The following BPHL variants were observed in gnomAD, a reference collection of about 807,000 sequenced individuals.
The protein encoded by BPHL is biphenyl hydrolase like.
Under a neutral mutation model 31.2 loss-of-function variants are expected in BPHL, and 27 were observed. The observed-to-expected ratio is 0.87, with a 90% CI of 0.64 to 1.19. The LOEUF is 1.19. Among genes scored for constraint, BPHL ranks in the 50% most tolerant of loss-of-function variants. The pLI is 0.00. For synonymous variants in BPHL, 150 were observed against 146.8 expected, an observed-to-expected ratio of 1.02 and a Z score of -0.16; for missense variants, 356 against 375.7, an observed-to-expected ratio of 0.95 and a Z score of 0.43.
At chr6:3,119,164 G>T in intron 1 of BPHL, 1 of 923,266 alleles carries the variant, frequency 1.1e-6, no homozygotes, top group Non-Finnish European at 1.7e-6. Context: ...TTTGCCTGTA[G>T]TATGGACTCA....
At chr6:3,118,991 C>T (rs1215941848) in intron 1 of BPHL, 144 bp downstream of exon 1, 1 of 714,474 alleles carries the variant, frequency 1.4e-6, no homozygotes, top group Non-Finnish European at 2.0e-6. Flanking sequence ...CCCTTTGTGC[C>T]GCGAGACCCC....
intron 4 of BPHL, among the ~76,000 whole-genome samples, chr6:3,131,992 C>T (rs1160663453): frequency 6.6e-6 from 1 of 152,242 alleles, no homozygotes; most frequent in Non-Finnish European, 1.5e-5. Flanking sequence ...TACTCCCTTG[C>T]CTCGGTCACC....
Position 3,123,717 on chromosome 6 carries a change from T to C in BPHL, c.168T>C (p.Thr56=). ...GCGTTCAGCTGCATTACCAGCAGACTGGAGAGGGAGATCACGCAGTCCTGC... is the reference window on the plus strand; with the variant it reads ...GCGTTCAGCTGCATTACCAGCAGACCGGAGAGGGAGATCACGCAGTCCTGC... ...VNGVQLHYQQ[T]GEGDHAVLLL... Residue 56 remains threonine (T), a synonymous_variant, in exon 2 of 7, where the codon ACT becomes ACC. Coordinates refer to ENST00000380379, the MANE Select transcript of BPHL (RefSeq NM_004332.4). 2 of 1,613,810 alleles carry C rather than the reference T, an allele frequency of 1.2e-6. No individual in the cohort carries two copies. The highest frequency in any genetic ancestry group is 1.7e-6 in the Non-Finnish European group (2 of 1,179,844).
rs1364073980 is a variant in BPHL, at chr6:3,152,638, A to G, written c.*63A>G. ...GGCTTGATCGTGTTGCTGCCTGTTA[A>G]CATGATGCCTTTGAAACTCTCCGCC... is the stretch of plus-strand genomic sequence containing the variant. On this transcript the variant is annotated 3_prime_UTR_variant, in exon 7 of 7. Coordinates refer to ENST00000380379, the MANE Select transcript of BPHL (RefSeq NM_004332.4). 5.5e-6 allele frequency: 8 copies of G among 1,442,326 alleles called. No homozygotes were observed. In the African/African-American group the frequency reaches 1.1e-4, roughly 20 times the overall value. The allele number at this position is 1,442,326 out of a possible 1,614,324, so 89.3% of individuals were successfully genotyped here. A position where few individuals can be genotyped will look rare whatever the true frequency, so the allele number is the denominator to read the frequency against.
intron 6 of BPHL, among the ~76,000 whole-genome samples, chr6:3,148,533 G>A (rs892757563): frequency 1.3e-5 from 2 of 152,344 alleles, no homozygotes; most frequent in South Asian, 2.1e-4. Flanking sequence ...TGCAGCTTCC[G>A]TTCTGGACTG....
chr6:3,128,558 A>G (rs566088004), intron 3 of BPHL, among the ~76,000 whole-genome samples: 7 of 152,182 alleles, frequency 4.6e-5, no homozygotes, highest in South Asian at 2.1e-4. Flanking sequence ...CAACCTCCCC[A>G]TGACGCTGTT....
chr6:3,118,972 G>A (rs374721308), intron 1 of BPHL, 125 bp downstream of exon 1: 5 of 803,126 alleles, frequency 6.2e-6, no homozygotes, highest in South Asian at 4.9e-5. Flanking sequence ...CGGCCTGGCT[G>A]CCCTGTCGCC....
chr6:3,152,702 C>T lies in BPHL; in HGVS notation c.*127C>T. 1.3e-6 allele frequency: 1 copy of T among 790,396 alleles called. No homozygotes were observed. The allele number at this position is 790,396 out of a possible 1,614,324, so 49.0% of individuals were successfully genotyped here. A position where few individuals can be genotyped will look rare whatever the true frequency, so the allele number is the denominator to read the frequency against. ...ACCCCTCCCTTCAATCTTATCCTAA[C>T]CAAATGAGAATAATGACATATTGAA... On this transcript the variant is annotated 3_prime_UTR_variant, in exon 7 of 7. Coordinates refer to ENST00000380379, the MANE Select transcript of BPHL (RefSeq NM_004332.4).
chr6:3,131,598 G>T (rs1374435248), intron 4 of BPHL, among the ~76,000 whole-genome samples: 1 of 152,140 alleles, frequency 6.6e-6, no homozygotes, highest in African/African-American at 2.4e-5. Flanking sequence ...TCCACTAGAG[G>T]ACTTAAAATC....
At chr6:3,129,805 G>GTTT (rs112506760) in intron 4 of BPHL, among the ~76,000 whole-genome samples, 1 of 136,560 alleles carries the variant, frequency 7.3e-6, no homozygotes, top group Non-Finnish European at 1.6e-5. Flanking sequence ...TGTCTTTGAG[G>GTTT]TTTTTTTTTT....
intron 6 of BPHL, among the ~76,000 whole-genome samples, chr6:3,147,910 G>T (rs979394528): frequency 6.6e-6 from 1 of 152,204 alleles, no homozygotes; most frequent in Non-Finnish European, 1.5e-5. Flanking sequence ...AGCCAATATC[G>T]CAGACTGAAG....
rs905020723 is a variant in BPHL, at chr6:3,120,486, T to C, written c.107+1639T>C. ...TTATAAATGCAGCTGCAAGTTGATA[T>C]GACATATAATCTGGGAAAACAAGCA... On this transcript the variant is annotated intron_variant, in intron 1 of 6. Coordinates refer to ENST00000380379, the MANE Select transcript of BPHL (RefSeq NM_004332.4). Among the ~76,000 whole-genome samples the C allele has an allele frequency of 2.6e-5, 4 of 152,174 alleles. No individual in the cohort carries two copies. The South Asian group carries it at 8.3e-4, about 31-fold the overall frequency.
At chr6:3,128,468 C>T (rs909598881) in intron 3 of BPHL, among the ~76,000 whole-genome samples, 5 of 152,056 alleles carry the variant, frequency 3.3e-5, no homozygotes, top group Non-Finnish European at 5.9e-5. Flanking sequence ...TTCTTGGCGG[C>T]CTCTCTAAGA....
Position 3,143,546 on chromosome 6 carries a change from T to C in BPHL, c.788+3037T>C, listed in dbSNP as rs572341266. On this transcript the variant is annotated intron_variant, in intron 6 of 6. Coordinates refer to ENST00000380379, the MANE Select transcript of BPHL (RefSeq NM_004332.4). ...AAGCCCTTCCTCTAACAAGCACTTG[T>C]GCTGCAGTCTGAGATACGAAACACA... Among the ~76,000 whole-genome samples, 11 of 152,356 alleles carry C rather than the reference T, an allele frequency of 7.2e-5. No homozygotes were observed. The South Asian group carries it at 1.7e-3, about 23-fold the overall frequency.
At chr6:3,135,604 CTCT>C (rs71669540) in intron 4 of BPHL, among the ~76,000 whole-genome samples, 2,113 of 152,302 alleles carry the variant, frequency 0.014, 41 homozygotes, top group African/African-American at 0.046. Flanking sequence ...CATTCTTATT[CTCT>C]TCTTCTGAGA....
chr6:3,121,765 G>C (rs559016602), intron 1 of BPHL, among the ~76,000 whole-genome samples: 1 of 152,268 alleles, frequency 6.6e-6, no homozygotes, highest in African/African-American at 2.4e-5. Flanking sequence ...GGAGCTTATA[G>C]TTTAGTCAGA....
chr6:3,131,522 C>A (rs1253563878), intron 4 of BPHL, among the ~76,000 whole-genome samples: 2 of 152,188 alleles, frequency 1.3e-5, no homozygotes, highest in East Asian at 3.9e-4. Context: ...AGGCCGCTAG[C>A]TTCATATGGT....
chr6:3,121,922 A>T lies in BPHL; in HGVS notation c.108-1735A>T, dbSNP rs1761584587. 2.6e-5 allele frequency among the ~76,000 whole-genome samples: 4 copies of T among 152,268 alleles called. No individual in the cohort carries two copies. The South Asian group carries it at 8.3e-4, about 32-fold the overall frequency. ...AGATTAAACCAAAAGATAAAACAGG[A>T]CCTCATTTTTTCAAAAGGGCTGTGT... On this transcript the variant is annotated intron_variant, in intron 1 of 6. Coordinates refer to ENST00000380379, the MANE Select transcript of BPHL (RefSeq NM_004332.4).
rs1295781172 is a variant in BPHL, at chr6:3,152,765, A to G, written c.*190A>G. ...CTTCAGGCTGGGCACGGTGGCTCACAGCTATAATCTCAGCACTTTGGGAGG... is the reference window on the plus strand; with the variant it reads ...CTTCAGGCTGGGCACGGTGGCTCACGGCTATAATCTCAGCACTTTGGGAGG... On this transcript the variant is annotated 3_prime_UTR_variant, in exon 7 of 7. Transcript: ENST00000380379. 29 of 507,858 alleles carry G rather than the reference A, an allele frequency of 5.7e-5. No homozygotes were observed. In the Middle Eastern group the frequency reaches 1.6e-3, roughly 27 times the overall value. 31.5% of individuals were successfully genotyped at this position (507,858 alleles called of 1,614,324 possible).
Sources: allele counts gnomAD v4.1 joint callset (sites outside exome capture counted in the v4.1 genomes callset), GRCh38; gene constraint gnomAD v4.1.1; transcripts MANE v1.5; gene names NCBI Gene and HGNC (gene_info 2026-07-23, HGNC 2026-07-21).